Variants in PARD3 observed in about 807,000 individuals in gnomAD.
PARD3 encodes the protein par-3 family cell polarity regulator.
In PARD3, 75 loss-of-function variants were observed where a neutral mutation model predicts 155.4. That is an observed-to-expected ratio of 0.48 (90% CI 0.40 to 0.58). The LOEUF (loss-of-function observed/expected upper bound fraction) is 0.58, where lower values mean the gene tolerates loss of function less well. Ranked by LOEUF, PARD3 falls within the 20% of genes least tolerant of loss-of-function variation. The pLI is 0.00. For synonymous variants in PARD3, 576 were observed against 610.5 expected (o/e 0.94, Z 0.83); for missense variants, 1,642 against 1,721.7 (o/e 0.95, Z 0.82).
At chr10:34,125,071 C>CTTTTTTTTTTCT (rs1947206061) in intron 23 of PARD3, among the ~76,000 whole-genome samples, 1 of 140,636 alleles carries the variant, frequency 7.1e-6, no homozygotes, top group Admixed American at 7.1e-5. Flanking sequence ...CTATTTCTTT[C>CTTTTTTTTTTCT]TTTTTTTTTT....
intron 7 of PARD3, among the ~76,000 whole-genome samples, chr10:34,395,823 G>A (rs535091778): frequency 7.9e-5 from 2 of 25,238 alleles, no homozygotes; most frequent in South Asian, 1.5e-3. Flanking sequence ...CAACCTGGGC[G>A]ACAGAGCGAG....
At chr10:34,366,067 A>T (rs1839939635) in intron 12 of PARD3, among the ~76,000 whole-genome samples, 1 of 152,210 alleles carries the variant, frequency 6.6e-6, no homozygotes, top group Non-Finnish European at 1.5e-5. Context: ...AATACAAAAA[A>T]TCCATTGTAT....
chr10:34,725,150 T>A lies in PARD3; in HGVS notation c.121-28731A>T, dbSNP rs373717652. ...GTGTGTGTGTGTGTGTGTGTGTGTG[T>A]GACAGAGAGAGAGAGAGAGAGAGAC... On this transcript the variant is annotated intron_variant, in intron 1 of 24. Transcript: ENST00000374788. Among the ~76,000 whole-genome samples the A allele has an allele frequency of 8.8e-3, 862 of 98,342 alleles. 12 individuals carry two copies. The highest frequency in any genetic ancestry group is 0.027 in the African/African-American group (777 of 28,384). The allele number at this position is 98,342 out of a possible 152,430, so 64.5% of individuals were successfully genotyped here. A position where few individuals can be genotyped will look rare whatever the true frequency, so the allele number is the denominator to read the frequency against.
At chr10:34,298,035 AC>A (rs1309858305) in intron 20 of PARD3, among the ~76,000 whole-genome samples, 2 of 152,154 alleles carry the variant, frequency 1.3e-5, no homozygotes, top group Non-Finnish European at 2.9e-5. Flanking sequence ...GTGAAGGGCA[AC>A]TCATTTAACC....
Position 34,516,996 on chromosome 10 carries a change from G to A in PARD3, c.386C>T (p.Pro129Leu). ...YQATSEIEVTPSVLRANMPLH... is the reference protein window; with the variant it reads ...YQATSEIEVTLSVLRANMPLH... ...TCACTTACTTGCTCGAAGGACTGAA[G>A]GTGTGACCTCAATTTCACTTGTTGC... is the stretch of plus-strand genomic sequence containing the variant. The change falls in exon 3 of 25, where the codon CCT becomes CTT. Residue 129 changes from proline (P) to leucine (L), a missense_variant. By Grantham distance (98) the Pro-to-Leu change is moderately conservative. This residue lies in a region of PARD3 where 1,529 missense variants were observed against 1,587.3 expected (regional missense o/e 0.96). Coordinates refer to ENST00000374788, the MANE Select transcript of PARD3 (RefSeq NM_001184785.2). The A allele has an allele frequency of 6.2e-7, 1 of 1,614,136 alleles. No homozygotes were observed. Among genetic ancestry groups the A allele is most frequent in the East Asian group, 2.2e-5 (1 of 44,876 alleles).
At chr10:34,698,918 T>C (rs1334609191) in intron 1 of PARD3, among the ~76,000 whole-genome samples, 5 of 152,206 alleles carry the variant, frequency 3.3e-5, no homozygotes, top group Admixed American at 6.5e-5. Context: ...TTCAAGTGTG[T>C]CTTCCTCCCA....
At chr10:34,727,780 A>G (rs774712068) in intron 1 of PARD3, among the ~76,000 whole-genome samples, 2 of 151,734 alleles carry the variant, frequency 1.3e-5, no homozygotes, top group Non-Finnish European at 2.9e-5. Context: ...TCCCTACTGC[A>G]GGTGAAACAC....
At chr10:34,532,233 A>T (rs919149136) in intron 2 of PARD3, among the ~76,000 whole-genome samples, 1 of 152,174 alleles carries the variant, frequency 6.6e-6, no homozygotes, top group African/African-American at 2.4e-5. Flanking sequence ...CATTCATGAC[A>T]TATATTTTTA....
At chr10:34,727,566 G>A (rs1278877773) in intron 1 of PARD3, among the ~76,000 whole-genome samples, 3 of 17,374 alleles carry the variant, frequency 1.7e-4, no homozygotes, top group African/African-American at 4.1e-4. Flanking sequence ...AGATTGCTAT[G>A]TTTATTTTTT....
intron 15 of PARD3, chr10:34,343,286 G>A: frequency 1.1e-6 from 1 of 871,056 alleles, no homozygotes; most frequent in Non-Finnish European, 1.4e-6. Context: ...TATAATCATA[G>A]TGCATTCATT....
chr10:34,641,816 C>A (rs1387594476), intron 2 of PARD3, among the ~76,000 whole-genome samples: 3 of 152,152 alleles, frequency 2.0e-5, no homozygotes, highest in Non-Finnish European at 4.4e-5. Flanking sequence ...GGCTGACAGA[C>A]CATGGAACCC....
At chr10:34,116,633 T>C (rs141099743) in intron 24 of PARD3, among the ~76,000 whole-genome samples, 191 of 152,278 alleles carry the variant, frequency 1.3e-3, no homozygotes, top group Non-Finnish European at 2.1e-3. Context: ...AAGATTCTCA[T>C]TGATAAATTG....
rs765552982 is a variant in PARD3 at position 34,666,816 on chromosome 10, T to TATATATACATAC, written c.222+29501_222+29502insGTATGTATATAT. Among the ~76,000 whole-genome samples, 3 of 88,808 alleles carry TATATATACATAC rather than the reference T, an allele frequency of 3.4e-5. No homozygotes were observed. The East Asian group carries it at 1.0e-3, about 30-fold the overall frequency. 58.3% of individuals were successfully genotyped at this position (88,808 alleles called of 152,430 possible). On this transcript the variant is annotated intron_variant, in intron 2 of 24. Coordinates refer to ENST00000374788, the MANE Select transcript of PARD3 (RefSeq NM_001184785.2). ...AAAAAAATATATATATATATATATA[T>TATATATACATAC]ACACACACACACACACACACAAACA...
chr10:34,401,106 T>C lies in PARD3; in HGVS notation c.806+720A>G, dbSNP rs561625568. Among the ~76,000 whole-genome samples, 3 of 152,240 alleles carry C rather than the reference T, an allele frequency of 2.0e-5. No homozygotes were observed. In the South Asian group the frequency reaches 6.2e-4, roughly 32 times the overall value. ...AAAGACAGAATTAAGTACATAAATG[T>C]CAATGTCTATATCCCCAACTTTTGC... On this transcript the variant is annotated intron_variant, in intron 6 of 24. Coordinates refer to ENST00000374788, the MANE Select transcript of PARD3 (RefSeq NM_001184785.2).
intron 22 of PARD3, among the ~76,000 whole-genome samples, chr10:34,225,404 G>A (rs1952539912): frequency 6.6e-6 from 1 of 151,752 alleles, no homozygotes; most frequent in African/African-American, 2.4e-5. Flanking sequence ...GGAGTGCAGT[G>A]GCATGATCTC....
chr10:34,606,682 A>G lies in PARD3; in HGVS notation c.223-89523T>C, dbSNP rs548458926. On this transcript the variant is annotated intron_variant, in intron 2 of 24. Coordinates refer to ENST00000374788, the MANE Select transcript of PARD3 (RefSeq NM_001184785.2). ...AAAAAAGTCTGTCTATCAATAAGAC[A>G]GCTCTGGCTGGGCATGGTGGCTCAC... Among the ~76,000 whole-genome samples the G allele has an allele frequency of 2.7e-5, 4 of 149,722 alleles. No individual in the cohort carries two copies. The East Asian group carries it at 7.9e-4, about 29-fold the overall frequency.
At position 34,815,092 on chromosome 10, in the gene PARD3, G is replaced by A. The variant is rs1844740256; in HGVS notation, c.-97C>T. ...ACGCTGGGCGCGGAGGAGCCGCTGGGGACTCGGGCGCGCGGGCGGCTAGGG... is the reference window on the plus strand; with the variant it reads ...ACGCTGGGCGCGGAGGAGCCGCTGGAGACTCGGGCGCGCGGGCGGCTAGGG... On this transcript the variant is annotated 5_prime_UTR_variant, in exon 1 of 25. Coordinates refer to ENST00000374788, the MANE Select transcript of PARD3 (RefSeq NM_001184785.2). 1.2e-6 allele frequency: 1 copy of A among 827,922 alleles called. No individual in the cohort carries two copies. Among genetic ancestry groups the A allele is most frequent in the Non-Finnish European group, 1.5e-6 (1 of 662,690 alleles). The allele number at this position is 827,922 out of a possible 1,614,324, so 51.3% of individuals were successfully genotyped here. A position where few individuals can be genotyped will look rare whatever the true frequency, so the allele number is the denominator to read the frequency against.
intron 3 of PARD3, among the ~76,000 whole-genome samples, chr10:34,499,130 C>T (rs2080494900): frequency 6.6e-6 from 1 of 152,062 alleles, no homozygotes; most frequent in Non-Finnish European, 1.5e-5. Flanking sequence ...ATTTTTTTCT[C>T]TAAGTACATG....
intron 2 of PARD3, among the ~76,000 whole-genome samples, chr10:34,523,164 A>G (rs1486474157): frequency 6.6e-6 from 1 of 152,232 alleles, no homozygotes; most frequent in Non-Finnish European, 1.5e-5. Flanking sequence ...GCTTAAAAGG[A>G]TCAAAGAACT....
Sources: gnomAD v4.1 joint callset for allele counts (sites outside exome capture counted in the v4.1 genomes callset) on GRCh38, gnomAD v4.1.1 for gene constraint, gnomAD v4.1.1 regional missense constraint, MANE v1.5 for transcripts, NCBI Gene and HGNC (gene_info 2026-07-23, HGNC 2026-07-21) for gene names.